C16orf74: variants seen among roughly 807,000 people sequenced by gnomAD.
The protein encoded by C16orf74 is calcimembrin.
A neutral mutation model predicts 6.5 loss-of-function variants in C16orf74; 10 were observed. The observed-to-expected ratio is 1.54, with a 90% CI of 0.95 to 2.61. C16orf74 has a LOEUF of 2.61. Among genes scored for constraint, C16orf74 ranks in the 30% most tolerant of loss-of-function variants. The pLI is 0.00. For synonymous variants in C16orf74, 60 were observed against 42.5 expected, an observed-to-expected ratio of 1.41 and a Z score of -1.60; for missense variants, 141 against 105.9, an observed-to-expected ratio of 1.33 and a Z score of -1.45.
At chr16:85,737,951 T>C (rs951440365) in intron 1 of C16orf74, among the ~76,000 whole-genome samples, 5 of 142,608 alleles carry the variant, frequency 3.5e-5, no homozygotes, top group African/African-American at 1.3e-4. Context: ...CATTATGAAT[T>C]TTTTTTGTGA....
chr16:85,721,445 C>T (rs28610101), intron 2 of C16orf74, among the ~76,000 whole-genome samples: 40 of 152,194 alleles, frequency 2.6e-4, no homozygotes, highest in African/African-American at 9.6e-4. Context: ...CCCTGGAGGG[C>T]AGGGTCACCA....
chr16:85,709,522 A>ATTATTC (rs1555582923), intron 3 of C16orf74, among the ~76,000 whole-genome samples: 1 of 114,072 alleles, frequency 8.8e-6, no homozygotes, highest in African/African-American at 2.7e-5. Context: ...TATTATTATT[A>ATTATTC]TTATTATTCA....
At chr16:85,725,363 C>A (rs145546850) in intron 2 of C16orf74, among the ~76,000 whole-genome samples, 2 of 152,300 alleles carry the variant, frequency 1.3e-5, no homozygotes, top group Admixed American at 6.5e-5. Context: ...CAGTCCCCAC[C>A]GCAGCCCCAT....
At chr16:85,744,690 C>T (rs1299472583) in intron 1 of C16orf74, among the ~76,000 whole-genome samples, 1 of 151,872 alleles carries the variant, frequency 6.6e-6, no homozygotes, top group East Asian at 1.9e-4. Flanking sequence ...ATTAGTCAGG[C>T]ATGGTGGCAG....
chr16:85,742,367 C>T (rs55891350), intron 1 of C16orf74, among the ~76,000 whole-genome samples: 27,075 of 151,840 alleles, frequency 0.18, 2,764 homozygotes, highest in Middle Eastern at 0.3. Flanking sequence ...AGCGAGACTC[C>T]GTCTCAGAAA....
At chr16:85,723,620 C>G (rs1487496741) in intron 2 of C16orf74, among the ~76,000 whole-genome samples, 3 of 152,194 alleles carry the variant, frequency 2.0e-5, no homozygotes, top group Non-Finnish European at 2.9e-5. Context: ...TACACACCCT[C>G]CAACCATCTA....
In C16orf74 at chr16:85,725,701, T is replaced by G. The variant is rs147758057; in HGVS notation, c.28+9489A>C. On this transcript the variant is annotated intron_variant, in intron 2 of 3. Transcript: ENST00000284245. ...TCACTGCAACTTCCATCTCCTGGGC[T>G]CAAGCAATCCTCACACCTCAGCCTC... Among the ~76,000 whole-genome samples the G allele has an allele frequency of 1.8e-3, 277 of 152,270 alleles. 1 individual carries two copies. Among genetic ancestry groups the G allele is most frequent in the African/African-American group, 6.0e-3 (248 of 41,544 alleles).
intron 2 of C16orf74, among the ~76,000 whole-genome samples, chr16:85,722,590 C>G (rs1286100741): frequency 6.6e-6 from 1 of 152,234 alleles, no homozygotes; most frequent in Non-Finnish European, 1.5e-5. Context: ...GCTGAGTGGG[C>G]CCAGGGCCCC....
chr16:85,729,829 A>G (rs956982230), intron 2 of C16orf74, among the ~76,000 whole-genome samples: 2 of 152,146 alleles, frequency 1.3e-5, no homozygotes, highest in African/African-American at 4.8e-5. Context: ...AAGAGGCAGG[A>G]AGGTTCCTCC....
In C16orf74 at chr16:85,723,587, C is replaced by A. The variant is rs557210528; in HGVS notation, c.28+11603G>T. ...GGTGTGACTTCAGGGGGTTCACTGG[C>A]AAAGCTGTCAAAATGTGAAGGGTAC... On this transcript the variant is annotated intron_variant, in intron 2 of 3. Coordinates refer to ENST00000284245, the MANE Select transcript of C16orf74 (RefSeq NM_206967.3). Among the ~76,000 whole-genome samples, 9 of 152,242 alleles carry A rather than the reference C, an allele frequency of 5.9e-5. No homozygotes were observed. In the East Asian group the frequency reaches 9.7e-4, roughly 16 times the overall value.
In C16orf74 at chr16:85,749,756, G is replaced by T. The variant is rs181417159; in HGVS notation, c.-19+1170C>A. On this transcript the variant is annotated intron_variant, in intron 1 of 3. Transcript: ENST00000284245. ...ACGCTCCCATTTCAAGTCTCCAGAGGTGACCTGCACCTTGGGCTGGGAAAA... is the reference window on the plus strand; with the variant it reads ...ACGCTCCCATTTCAAGTCTCCAGAGTTGACCTGCACCTTGGGCTGGGAAAA... 2.0e-5 allele frequency among the ~76,000 whole-genome samples: 3 copies of T among 152,360 alleles called. No homozygotes were observed. In the East Asian group the frequency reaches 5.8e-4, roughly 29 times the overall value.
At chr16:85,725,206 G>A (rs899915080) in intron 2 of C16orf74, among the ~76,000 whole-genome samples, 5 of 152,206 alleles carry the variant, frequency 3.3e-5, no homozygotes, top group African/African-American at 7.2e-5. Flanking sequence ...GCCCTGAGCC[G>A]AAGGGAGGCT....
intron 2 of C16orf74, among the ~76,000 whole-genome samples, chr16:85,723,516 G>A (rs1441395778): frequency 6.6e-6 from 1 of 152,114 alleles, no homozygotes; most frequent in Non-Finnish European, 1.5e-5. Flanking sequence ...AGCTGTTAAC[G>A]CTATGGCCAC....
chr16:85,742,516 T>C (rs1159506689), intron 1 of C16orf74, among the ~76,000 whole-genome samples: 1 of 152,122 alleles, frequency 6.6e-6, no homozygotes. Flanking sequence ...ATGTTTCTTG[T>C]CCAGCATGCA....
rs1248122936 is a variant in C16orf74, at chr16:85,722,190, T to C, written c.29-11883A>G. Among the ~76,000 whole-genome samples the C allele has an allele frequency of 3.9e-5, 6 of 151,964 alleles. No individual in the cohort carries two copies. In the South Asian group the frequency reaches 6.2e-4, roughly 16 times the overall value. On this transcript the variant is annotated intron_variant, in intron 2 of 3. Coordinates refer to ENST00000284245, the MANE Select transcript of C16orf74 (RefSeq NM_206967.3). Reference sequence around the variant, plus strand: ...TGACTGTAACTTTTGCCCTAGATAATAACCTGTATACTGCAGTGCTGTCAT... The same window carrying C: ...TGACTGTAACTTTTGCCCTAGATAACAACCTGTATACTGCAGTGCTGTCAT...
chr16:85,744,128 G>C (rs1250641863), intron 1 of C16orf74: 4 of 148,300 alleles, frequency 2.7e-5, no homozygotes, highest in African/African-American at 9.9e-5. Flanking sequence ...AGGAGGCTGA[G>C]GAAGGAGAAT....
In C16orf74 at chr16:85,750,993, T is replaced by G. The variant is rs1420948409; in HGVS notation, c.-86A>C. 2.0e-5 allele frequency: 3 copies of G among 148,414 alleles called. No individual in the cohort carries two copies. The highest frequency in any genetic ancestry group is 2.0e-4 in the Admixed American group (3 of 14,974). The allele number at this position is 148,414 out of a possible 1,614,324, so 9.2% of individuals were successfully genotyped here. A position where few individuals can be genotyped will look rare whatever the true frequency, so the allele number is the denominator to read the frequency against. Reference sequence around the variant, plus strand: ...CGCGCGAGGCCCGCCCGGGCGCTGGTGGTGGTGGCGGCGGCGGTCGGGCTC... The same window carrying G: ...CGCGCGAGGCCCGCCCGGGCGCTGGGGGTGGTGGCGGCGGCGGTCGGGCTC... On this transcript the variant is annotated 5_prime_UTR_variant, in exon 1 of 4. Coordinates refer to ENST00000284245, the MANE Select transcript of C16orf74 (RefSeq NM_206967.3).
At chr16:85,746,325 G>C (rs926077103) in intron 1 of C16orf74, among the ~76,000 whole-genome samples, 4 of 152,102 alleles carry the variant, frequency 2.6e-5, no homozygotes, top group African/African-American at 9.7e-5. Context: ...ACTCAAGCCT[G>C]GGCGGCAAGG....
At chr16:85,709,767 C>A (rs1429665053) in intron 3 of C16orf74, among the ~76,000 whole-genome samples, 1 of 152,220 alleles carries the variant, frequency 6.6e-6, no homozygotes, top group Non-Finnish European at 1.5e-5. Context: ...AGCCTGGGCA[C>A]GAGCTGTGTT....
Sources: allele counts gnomAD v4.1 joint callset (sites outside exome capture counted in the v4.1 genomes callset), GRCh38; gene constraint gnomAD v4.1.1; transcripts MANE v1.5; gene names NCBI Gene and HGNC (gene_info 2026-07-23, HGNC 2026-07-21).